The following MARF1 variants were observed in gnomAD, a reference collection of about 807,000 sequenced individuals.
The protein encoded by MARF1 is limkain-b1.
A neutral mutation model predicts 168.2 loss-of-function variants in MARF1; 24 were observed. The ratio of observed to expected loss-of-function variants is 0.14; its 90% CI spans 0.10 to 0.20. The LOEUF is 0.20. MARF1 is among the 10% of genes least tolerant of loss of function. The probability of loss-of-function intolerance (pLI) is 1.00; values close to 1 mark genes in which losing one functional copy is unlikely to be tolerated. For missense variants in MARF1, 1,744 were observed against 2,143.6 expected (o/e 0.81, Z 3.68); for synonymous variants, 868 against 822.4 (o/e 1.06, Z -0.95).
At chr16:15,625,263 TCAAA>T (rs1169979811) in intron 8 of MARF1, 90 bp from the exon 9 acceptor site, 4 of 1,556,998 alleles carry the variant, frequency 2.6e-6, no homozygotes, top group Non-Finnish European at 3.5e-6. Flanking sequence ...TTGAGTATCA[TCAAA>T]CACTGAAATC....
Position 15,625,084 on chromosome 16 carries a change from G to GTTA in MARF1, c.2040_2042dup (p.Asn681dup). 1 of 1,614,204 alleles carries GTTA rather than the reference G, an allele frequency of 6.2e-7. No homozygotes were observed. Among genetic ancestry groups the GTTA allele is most frequent in the Non-Finnish European group, 8.5e-7 (1 of 1,180,032 alleles). On this transcript the variant is annotated inframe_insertion, in exon 9 of 27. Transcript: ENST00000396368. ...TCGGCGTCGACACTGCAGCACTTGA[G>GTTA]TTACCGTGAGTGGGTACGACCAGCC...
intron 21 of MARF1, 44 bp downstream of exon 21, chr16:15,608,247 T>G: frequency 7.6e-7 from 1 of 1,321,294 alleles, no homozygotes. Flanking sequence ...ACTGTGAGTT[T>G]TATCCCATGA....
chr16:15,619,777 T>C (rs915092703), intron 13 of MARF1, among the ~76,000 whole-genome samples: 2 of 152,158 alleles, frequency 1.3e-5, no homozygotes, highest in Admixed American at 6.5e-5. Context: ...GCATCTACTA[T>C]GGGCTGGGTG....
chr16:15,601,724 G>T (rs906131574), intron 23 of MARF1: 11 of 547,914 alleles, frequency 2.0e-5, no homozygotes, highest in African/African-American at 1.9e-4. Context: ...CTGCTTGGGG[G>T]TCTTGACTCT....
At position 15,604,194 on chromosome 16, in the gene MARF1, G is replaced by C; in HGVS notation, c.4387C>G (p.Leu1463Val). ...TCAACCAAGTATGGCAGGCTCTTCA[G>C]CAGTTCGGTCAAGGTCATGAATCCA... is the stretch of plus-strand genomic sequence containing the variant. The part of the protein sequence containing the change: ...EYGFMTLTEL[L>V]KSLPYLVEVF... The change falls in exon 22 of 27, where the codon CTG (leucine) becomes GTG (valine). Residue 1463 changes from leucine to valine, a missense_variant. By Grantham distance (32) the Leu-to-Val change is conservative (BLOSUM62 1). Around this residue, in one of 7 missense-constraint regions of MARF1, gnomAD observed 9 missense variants for 27.7 expected, o/e 0.32. Coordinates refer to ENST00000396368, the MANE Select transcript of MARF1 (RefSeq NM_014647.4). 1.2e-6 allele frequency: 2 copies of C among 1,614,042 alleles called. No individual in the cohort carries two copies. Among genetic ancestry groups the C allele is most frequent in the Non-Finnish European group, 1.7e-6 (2 of 1,179,888 alleles).
At chr16:15,626,000 C>A (rs986029045) in intron 7 of MARF1, among the ~76,000 whole-genome samples, 200 bp from the exon 8 acceptor site, 3 of 152,134 alleles carry the variant, frequency 2.0e-5, no homozygotes, top group Admixed American at 2.0e-4. Flanking sequence ...TTTAGCTGGG[C>A]ATGGTGGTGC....
chr16:15,598,953 C>T lies in MARF1; in HGVS notation c.4885G>A (p.Val1629Ile). The T allele has an allele frequency of 6.2e-7, 1 of 1,613,250 alleles. No individual in the cohort carries two copies. Among genetic ancestry groups the T allele is most frequent in the Non-Finnish European group, 8.5e-7 (1 of 1,179,742 alleles). Residue 1629 changes from valine (V) to isoleucine (I), a missense_variant, in exon 26 of 27, where the codon GTC becomes ATC. This residue lies in a region of MARF1 where 313 missense variants were observed against 337.4 expected (regional missense o/e 0.93). Transcript: ENST00000396368. The stretch of plus-strand genomic sequence containing the variant: ...TGAGGGGACGGCAGGCACGAGGGGA[C>T]AGGCGCACACAGGAGGTCGACGGGG... ...DSPVDLLCAP[V>I]PSCLPSPQLR... is the part of the protein sequence containing the mutation.
At chr16:15,626,144 G>T (rs1009741440) in intron 7 of MARF1, among the ~76,000 whole-genome samples, 1 of 152,020 alleles carries the variant, frequency 6.6e-6, no homozygotes, top group African/African-American at 2.4e-5. Flanking sequence ...AAATAAAAAA[G>T]AATATGCTAG....
At chr16:15,603,642 G>GT (rs1235415734) in intron 22 of MARF1, among the ~76,000 whole-genome samples, 2 of 151,964 alleles carry the variant, frequency 1.3e-5, no homozygotes, top group East Asian at 3.9e-4. Context: ...GTGAATTTTG[G>GT]TAACTTATTT....
Position 15,631,513 on chromosome 16 carries a change from A to C in MARF1, c.1234-15T>G, listed in dbSNP as rs1321814350. 1 of 1,535,380 alleles carries C rather than the reference A, an allele frequency of 6.5e-7. No homozygotes were observed. Among genetic ancestry groups the C allele is most frequent in the African/African-American group, 1.4e-5 (1 of 73,420 alleles). On this transcript the variant is annotated splice_polypyrimidine_tract_variant and intron_variant, in intron 5 of 26. Coordinates refer to ENST00000396368, the MANE Select transcript of MARF1 (RefSeq NM_014647.4). ...GCAACGGTTACCTGCATTAATTTAT[A>C]ATAAGGGTGAATAAGCAGGAGCTGA...
chr16:15,617,013 C>T, intron 15 of MARF1, 39 bp downstream of exon 15: 1 of 1,594,430 alleles, frequency 6.3e-7, no homozygotes, highest in Non-Finnish European at 8.5e-7. Flanking sequence ...AAAAGCAGAA[C>T]TAGGGCATTA....
chr16:15,603,333 G>A (rs891623445), intron 22 of MARF1, among the ~76,000 whole-genome samples: 1 of 152,052 alleles, frequency 6.6e-6, no homozygotes, highest in Non-Finnish European at 1.5e-5. Context: ...TTTTTCAGCA[G>A]CCTAGAACAG....
In MARF1 at chr16:15,635,668, G is replaced by A. The variant is rs2035543537; in HGVS notation, c.819C>T (p.Asp273=). 1 of 1,613,502 alleles carries A rather than the reference G, an allele frequency of 6.2e-7. No homozygotes were observed. The highest frequency in any genetic ancestry group is 1.3e-5 in the African/African-American group (1 of 74,918). The change falls in exon 3 of 27, where the codon GAC becomes GAT. Residue 273 remains aspartate (D), a synonymous_variant. Transcript: ENST00000396368. ...VCLKGSLYCE[D]CLNKPARNSI... ...AAAAGATACGAACCTTGTTTAGACA[G>A]TCTTCGCAGTAAAGTGAGCCCTTTA...
intron 23 of MARF1, chr16:15,601,629 G>T: frequency 2.8e-6 from 1 of 355,726 alleles, no homozygotes; most frequent in Non-Finnish European, 5.2e-6. Flanking sequence ...TGAAGGTTTT[G>T]CAACAGGCTC....
At chr16:15,633,496 T>C (rs1048217048) in intron 5 of MARF1, 121 bp downstream of exon 5, 4 of 709,910 alleles carry the variant, frequency 5.6e-6, no homozygotes, top group Non-Finnish European at 6.8e-6. Context: ...CAGGGAGCCA[T>C]GAATGCGTCA....
In MARF1 at chr16:15,599,002, C is replaced by G; in HGVS notation, c.4836G>C (p.Glu1612Asp). Residue 1612 changes from glutamate (E) to aspartate (D), a missense_variant, in exon 26 of 27, where the codon GAG becomes GAC. This residue lies in a region of MARF1 where 313 missense variants were observed against 337.4 expected (regional missense o/e 0.93). Coordinates refer to ENST00000396368, the MANE Select transcript of MARF1 (RefSeq NM_014647.4). ...DGSGPSHTEQ[E>D]LLRLTDDSPV... ...GGGAGTCGTCGGTCAGGCGGAGAAG[C>G]TCCTGCTCTGTGTGACTGGGCCCTG... 6.2e-7 allele frequency: 1 copy of G among 1,609,780 alleles called. No individual in the cohort carries two copies. Among genetic ancestry groups the G allele is most frequent in the Non-Finnish European group, 8.5e-7 (1 of 1,178,130 alleles).
rs570948087 is a variant in MARF1, at chr16:15,620,521, T to C, written c.2650A>G (p.Met884Val). ...GCAGGGGCATCCTGAAGAACAGACA[T>C]TGTTTCTGCACTGTAAAACAGAAGT... The part of the protein sequence containing the change: ...KSLSLLSAET[M>V]SVLQDAPACC... The change falls in exon 13 of 27, where the codon ATG becomes GTG. Residue 884 changes from methionine (M) to valine (V), a missense_variant. Met to Val is a conservative substitution (Grantham distance 21). Coordinates refer to ENST00000396368, the MANE Select transcript of MARF1 (RefSeq NM_014647.4). 4 of 1,611,860 alleles carry C rather than the reference T, an allele frequency of 2.5e-6. No homozygotes were observed. In the South Asian group the frequency reaches 3.3e-5, roughly 13 times the overall value.
In MARF1 at chr16:15,612,591, A is replaced by G. The variant is rs763235620; in HGVS notation, c.3440T>C (p.Ile1147Thr). The G allele has an allele frequency of 2.5e-6, 4 of 1,614,166 alleles. No individual in the cohort carries two copies. Among genetic ancestry groups the G allele is most frequent in the East Asian group, 2.2e-5 (1 of 44,886 alleles). Residue 1147 changes from isoleucine to threonine, a missense_variant, in exon 17 of 27, where the codon ATT (isoleucine) becomes ACT (threonine). Ile to Thr is a moderately conservative substitution (Grantham distance 89). Transcript: ENST00000396368. ...ATGAGGCACTGCTTCTAATAACTCA[A>G]TCAGCTTGGAGTATCCGTAGTCTGA... ...RVSDYGYSKLIELLEAVPHVL... is the reference protein window; with the variant it reads ...RVSDYGYSKLTELLEAVPHVL...
chr16:15,615,382 T>C (rs942922839), intron 16 of MARF1, among the ~76,000 whole-genome samples: 2 of 152,072 alleles, frequency 1.3e-5, no homozygotes, highest in African/African-American at 4.8e-5. Context: ...TCCCAGCACT[T>C]TGGGAGGCGG....
Sources: gnomAD v4.1 joint callset for allele counts (sites outside exome capture counted in the v4.1 genomes callset) on GRCh38, gnomAD v4.1.1 for gene constraint, gnomAD v4.1.1 regional missense constraint, MANE v1.5 for transcripts, NCBI Gene and HGNC (gene_info 2026-07-23, HGNC 2026-07-21) for gene names.